The following ZNF516 variants were observed in gnomAD, a reference collection of about 807,000 sequenced individuals.
The protein encoded by ZNF516 is zinc finger protein 516.
ZNF516 carries 19 observed loss-of-function variants against 79.7 expected under a neutral mutation model. The ratio of observed to expected loss-of-function variants is 0.24; its 90% CI spans 0.17 to 0.35. The LOEUF is 0.35. Ranked by LOEUF, ZNF516 falls within the 10% of genes least tolerant of loss-of-function variation. ZNF516 has a pLI of 1.00. For synonymous variants in ZNF516, 877 were observed against 739.5 expected (o/e 1.19, Z -3.02); for missense variants, 1,678 against 1,679.5 (o/e 1.00, Z 0.02).
chr18:76,459,314 G>A lies in ZNF516; in HGVS notation c.-158+3714C>T, dbSNP rs186193945. ...GTGCCAGCTCGGGAAATCCTGGGCC[G>A]GTGACAGCCCTGACCCGTGGCCACC... On this transcript the variant is annotated intron_variant, in intron 2 of 6. Coordinates refer to ENST00000443185, the MANE Select transcript of ZNF516 (RefSeq NM_014643.4). This position sits in a 1 kb window ranked among gnomAD's most constrained non-coding sequence, Gnocchi z 5.0. Among the ~76,000 whole-genome samples the A allele has an allele frequency of 5.1e-4, 77 of 152,314 alleles. No homozygotes were observed. Among genetic ancestry groups the A allele is most frequent in the Non-Finnish European group, 8.8e-4 (60 of 68,024 alleles).
chr18:76,453,297 A>G (rs1568306871), intron 2 of ZNF516, among the ~76,000 whole-genome samples: 1 of 152,166 alleles, frequency 6.6e-6, no homozygotes, highest in African/African-American at 2.4e-5. Flanking sequence ...CATTTCCATT[A>G]AGAGCCCCAT....
chr18:76,455,820 G>C (rs999620847), intron 2 of ZNF516, among the ~76,000 whole-genome samples: 1 of 152,180 alleles, frequency 6.6e-6, no homozygotes, highest in Non-Finnish European at 1.5e-5. Flanking sequence ...CTGTGGGAGA[G>C]AAAGAAAATG....
chr18:76,404,382 G>A (rs1009028589), intron 3 of ZNF516, among the ~76,000 whole-genome samples: 8 of 152,110 alleles, frequency 5.3e-5, no homozygotes, highest in Non-Finnish European at 1.0e-4. Context: ...TGTGTGAACG[G>A]CAGTTTTAGA....
chr18:76,362,333 A>G lies in ZNF516; in HGVS notation c.*165T>C. ...TTAACAAGGAGAGGCATCTGCCTTCAGTTTCCACTCCAGCGCAGCGGCTCG... is the reference window on the plus strand; with the variant it reads ...TTAACAAGGAGAGGCATCTGCCTTCGGTTTCCACTCCAGCGCAGCGGCTCG... On this transcript the variant is annotated 3_prime_UTR_variant, in exon 7 of 7. Coordinates refer to ENST00000443185, the MANE Select transcript of ZNF516 (RefSeq NM_014643.4). 1 of 568,478 alleles carries G rather than the reference A, an allele frequency of 1.8e-6. No individual in the cohort carries two copies. Among genetic ancestry groups the G allele is most frequent in the Non-Finnish European group, 3.2e-6 (1 of 313,424 alleles). 35.2% of individuals were successfully genotyped at this position (568,478 alleles called of 1,614,324 possible).
In ZNF516 at chr18:76,442,950, G is replaced by T. The variant is rs375504823; in HGVS notation, c.105C>A (p.Thr35=). Residue 35 remains threonine (T), a synonymous_variant, in exon 3 of 7, where the codon ACC becomes ACA. Coordinates refer to ENST00000443185, the MANE Select transcript of ZNF516 (RefSeq NM_014643.4). ...EVDGDKATCH[T]CCICGKSFPF... ...GGAAGCTCTTGCCGCAGATGCAGCAGGTGTGGCAGGTAGCCTTGTCCCCAT... is the reference window on the plus strand; with the variant it reads ...GGAAGCTCTTGCCGCAGATGCAGCATGTGTGGCAGGTAGCCTTGTCCCCAT... 1.9e-6 allele frequency: 3 copies of T among 1,609,498 alleles called. No homozygotes were observed. In the African/African-American group the frequency reaches 4.0e-5, roughly 21 times the overall value.
Position 76,453,461 on chromosome 18 carries a change from C to T in ZNF516, c.-158+9567G>A, listed in dbSNP as rs574310845. Among the ~76,000 whole-genome samples, 8 of 152,270 alleles carry T rather than the reference C, an allele frequency of 5.3e-5. No individual in the cohort carries two copies. In the East Asian group the frequency reaches 7.7e-4, roughly 15 times the overall value. ...AAGCACTGGGTTTTCACTTTGACTC[C>T]GTCTACATCTTACACTACAATAGTT... On this transcript the variant is annotated intron_variant, in intron 2 of 6. Coordinates refer to ENST00000443185, the MANE Select transcript of ZNF516 (RefSeq NM_014643.4).
intron 3 of ZNF516, among the ~76,000 whole-genome samples, chr18:76,426,381 G>C (rs1003753994): frequency 6.6e-6 from 1 of 152,126 alleles, no homozygotes; most frequent in Non-Finnish European, 1.5e-5. Context: ...TGCATTAAAA[G>C]AACATAACCT....
At chr18:76,387,425 C>T (rs1176306224) in intron 3 of ZNF516, 1 of 152,226 alleles carries the variant, frequency 6.6e-6, no homozygotes, top group African/African-American at 2.4e-5. Flanking sequence ...GGCCCGCACA[C>T]GCTCTGCCAT....
Position 76,376,112 on chromosome 18 carries a change from T to C in ZNF516, c.3259+2743A>G, listed in dbSNP as rs533492002. 3.0e-4 allele frequency among the ~76,000 whole-genome samples: 45 copies of C among 152,320 alleles called. No individual in the cohort carries two copies. In the East Asian group the frequency reaches 7.7e-3, roughly 26 times the overall value. On this transcript the variant is annotated intron_variant, in intron 4 of 6. Transcript: ENST00000443185. The stretch of plus-strand genomic sequence containing the variant: ...TCTGAAGCCTTAAAGAACTATGACA[T>C]AGAAGAGTTCTCAACTTGTTCTGAC...
intron 2 of ZNF516, among the ~76,000 whole-genome samples, chr18:76,449,902 A>T (rs11877300): frequency 0.027 from 4,135 of 152,318 alleles, 201 homozygotes; most frequent in African/African-American, 0.094. Flanking sequence ...GTTATTTAAC[A>T]CAATTAAAAA....
chr18:76,413,115 G>A (rs1211916198), intron 3 of ZNF516, among the ~76,000 whole-genome samples: 1 of 152,180 alleles, frequency 6.6e-6, no homozygotes, highest in Non-Finnish European at 1.5e-5. Context: ...GAAACAGGAC[G>A]TACTGCTGAA....
intron 3 of ZNF516, among the ~76,000 whole-genome samples, chr18:76,410,691 T>A (rs2075363756): frequency 6.6e-6 from 1 of 152,126 alleles, no homozygotes; most frequent in South Asian, 2.1e-4. Flanking sequence ...TCAAAGAAAA[T>A]AAACCATTCA....
Position 76,399,735 on chromosome 18 carries a change from G to A in ZNF516, c.1811-19432C>T, listed in dbSNP as rs73477163. On this transcript the variant is annotated intron_variant, in intron 3 of 6. Transcript: ENST00000443185. The stretch of plus-strand genomic sequence containing the variant: ...CTAGCCCCAGGGCCCCCCTGATACT[G>A]TATAAGTCGGGAAACACTCTCATCC... 7.3e-3 allele frequency among the ~76,000 whole-genome samples: 1,113 copies of A among 152,274 alleles called. 23 individuals carry two copies. Among genetic ancestry groups the A allele is most frequent in the African/African-American group, 0.025 (1,039 of 41,546 alleles).
At chr18:76,429,999 C>T (rs535963561) in intron 3 of ZNF516, among the ~76,000 whole-genome samples, 2 of 152,298 alleles carry the variant, frequency 1.3e-5, no homozygotes, top group Admixed American at 1.3e-4. Flanking sequence ...CTGTCCAGAA[C>T]CTTCTGTTCA....
At chr18:76,496,225 G>A, upstream of ZNF516, 2 of 1,240,766 alleles carry the variant, frequency 1.6e-6, no homozygotes, top group Non-Finnish European at 1.0e-6. Flanking sequence ...GGCCGGTGAC[G>A]TAGACCCGGG....
At chr18:76,418,628 A>G (rs935392767) in intron 3 of ZNF516, among the ~76,000 whole-genome samples, 1 of 152,234 alleles carries the variant, frequency 6.6e-6, no homozygotes, top group Admixed American at 6.5e-5. Flanking sequence ...TGAAAAAAAA[A>G]CCATTAAGAA....
intron 1 of ZNF516, chr18:76,490,715 A>T: frequency 1.0e-6 from 1 of 954,340 alleles, no homozygotes; most frequent in Non-Finnish European, 1.2e-6. Context: ...TGGCAGGCTG[A>T]CGGGGGCAAT....
intron 6 of ZNF516, among the ~76,000 whole-genome samples, chr18:76,369,106 C>A (rs2074662248): frequency 6.6e-6 from 1 of 152,196 alleles, no homozygotes; most frequent in East Asian, 1.9e-4. Context: ...ACGGCATGAC[C>A]TTGCTCTTAC....
chr18:76,463,602 A>T (rs1020257293), intron 1 of ZNF516, among the ~76,000 whole-genome samples: 1 of 152,064 alleles, frequency 6.6e-6, no homozygotes, highest in Admixed American at 6.5e-5. Context: ...CTTCTTGGGG[A>T]TGGGTCTGTG....
Sources: gnomAD v4.1 joint callset for allele counts (sites outside exome capture counted in the v4.1 genomes callset) on GRCh38, gnomAD v4.1.1 for gene constraint, Gnocchi (gnomAD v3.1) non-coding constraint, MANE v1.5 for transcripts, NCBI Gene and HGNC (gene_info 2026-07-23, HGNC 2026-07-21) for gene names.